The following HECW1 variants were observed in gnomAD, a reference collection of about 807,000 sequenced individuals.
The protein encoded by HECW1 is E3 ubiquitin-protein ligase HECW1.
HECW1 carries 61 observed loss-of-function variants against 182.3 expected under a neutral mutation model. The observed-to-expected ratio is 0.33, with a 90% CI of 0.27 to 0.41. HECW1 has a LOEUF of 0.41. Ranked by LOEUF, HECW1 falls within the 10% of genes least tolerant of loss-of-function variation. The pLI is 1.00. For missense variants in HECW1, 1,739 were observed against 2,108.9 expected (o/e 0.82, Z 3.44); for synonymous variants, 859 against 832.6 (o/e 1.03, Z -0.55).
chr7:43,490,570 A>G (rs2078890395), intron 17 of HECW1, among the ~76,000 whole-genome samples: 1 of 152,240 alleles, frequency 6.6e-6, no homozygotes, highest in Non-Finnish European at 1.5e-5. Flanking sequence ...ATGCCTCTAT[A>G]GATTTTAACA....
chr7:43,448,493 C>T (rs2077132478), intron 11 of HECW1, among the ~76,000 whole-genome samples: 1 of 152,252 alleles, frequency 6.6e-6, no homozygotes. Context: ...CCTCAGTTTC[C>T]TCATGTGCAA....
intron 16 of HECW1, among the ~76,000 whole-genome samples, chr7:43,473,751 C>A (rs2078112374): frequency 6.6e-6 from 1 of 152,014 alleles, no homozygotes; most frequent in South Asian, 2.1e-4. Context: ...GGTAATCTGA[C>A]AAGCTTAAAA....
chr7:43,543,476 G>A (rs1305408259), intron 26 of HECW1, among the ~76,000 whole-genome samples: 1 of 152,120 alleles, frequency 6.6e-6, no homozygotes, highest in Non-Finnish European at 1.5e-5. Flanking sequence ...ATTTAAATAT[G>A]TTCAAGAATA....
At chr7:43,122,590 C>T (rs1383623502) in intron 2 of HECW1, among the ~76,000 whole-genome samples, 2 of 152,008 alleles carry the variant, frequency 1.3e-5, no homozygotes, top group Non-Finnish European at 1.5e-5. Context: ...ATCCTGTTGT[C>T]GCAATAAAGT....
intron 29 of HECW1, among the ~76,000 whole-genome samples, chr7:43,558,428 G>C (rs73100784): frequency 0.16 from 24,178 of 152,168 alleles, 2,525 homozygotes; most frequent in Non-Finnish European, 0.24. Context: ...TGGAGGCCTG[G>C]TTAAGTTAGT....
intron 13 of HECW1, 85 bp downstream of exon 13, chr7:43,456,532 C>A: frequency 7.4e-7 from 1 of 1,358,958 alleles, no homozygotes; most frequent in Non-Finnish European, 1.0e-6. Flanking sequence ...CACTTTTCTG[C>A]TCAGACTGTA....
intron 17 of HECW1, among the ~76,000 whole-genome samples, chr7:43,488,369 AGG>A (rs1264838431): frequency 0.048 from 6,520 of 134,954 alleles, 506 homozygotes; most frequent in Middle Eastern, 0.081. Context: ...GAAGGAAGGA[AGG>A]AAGGAAGGAA....
At chr7:43,513,948 G>A (rs567123065) in intron 24 of HECW1, among the ~76,000 whole-genome samples, 12 of 152,262 alleles carry the variant, frequency 7.9e-5, no homozygotes, top group African/African-American at 1.4e-4. Context: ...CAGCCCCTGC[G>A]AGACCTGGCC....
At chr7:43,544,816 A>G (rs1463858891) in intron 26 of HECW1, among the ~76,000 whole-genome samples, 2 of 152,232 alleles carry the variant, frequency 1.3e-5, no homozygotes, top group African/African-American at 4.8e-5. Context: ...CTCAATTCAC[A>G]TATAATCATG....
chr7:43,412,757 T>A (rs1463999464), intron 8 of HECW1, among the ~76,000 whole-genome samples: 3 of 151,708 alleles, frequency 2.0e-5, no homozygotes, highest in Admixed American at 6.6e-5. Flanking sequence ...TCCAATTTCA[T>A]CCATGTCCCT....
intron 5 of HECW1, among the ~76,000 whole-genome samples, chr7:43,354,400 A>G (rs1364741763): frequency 6.6e-6 from 1 of 152,226 alleles, no homozygotes; most frequent in Non-Finnish European, 1.5e-5. Flanking sequence ...AAACTCAGCG[A>G]TCTCCAAGAT....
At chr7:43,518,216 C>T (rs1007228153) in intron 24 of HECW1, among the ~76,000 whole-genome samples, 4 of 152,032 alleles carry the variant, frequency 2.6e-5, no homozygotes, top group African/African-American at 4.8e-5. Flanking sequence ...AAAGAAAGGC[C>T]GGGCACAGTG....
intron 2 of HECW1, among the ~76,000 whole-genome samples, chr7:43,236,811 T>C (rs1486227647): frequency 6.6e-6 from 1 of 152,106 alleles, no homozygotes; most frequent in African/African-American, 2.4e-5. Flanking sequence ...CACAACAAAT[T>C]TCCTTGTGGG....
chr7:43,550,424 A>G (rs778634129), intron 26 of HECW1, 21 bp from the exon 27 acceptor site: 2 of 1,613,714 alleles, frequency 1.2e-6, no homozygotes, highest in Non-Finnish European at 1.7e-6. Context: ...AAGCATCGCA[A>G]TATTTCTGTT....
intron 6 of HECW1, among the ~76,000 whole-genome samples, chr7:43,389,694 G>T (rs2074943687): frequency 6.6e-6 from 1 of 152,102 alleles, no homozygotes; most frequent in Admixed American, 6.5e-5. Flanking sequence ...AGGCTGGAGT[G>T]CAGTGGTGTG....
In HECW1 at chr7:43,550,517, G is replaced by C. The variant is rs1399335219; in HGVS notation, c.4321G>C (p.Glu1441Gln). 5.0e-6 allele frequency: 8 copies of C among 1,614,012 alleles called. No homozygotes were observed. The highest frequency in any genetic ancestry group is 5.1e-6 in the Non-Finnish European group (6 of 1,179,960). Residue 1441 changes from glutamate to glutamine, a missense_variant, in exon 27 of 30, where the codon GAG becomes CAG. Transcript: ENST00000395891. The stretch of plus-strand genomic sequence containing the variant: ...GGAGAAAAACAAGAAGGAGTACATC[G>C]AGCGCATGGTGAAGTGGCGGGTGGA... ...VTEKNKKEYI[E>Q]RMVKWRVERG...
At chr7:43,173,762 G>A (rs1791928233) in intron 2 of HECW1, among the ~76,000 whole-genome samples, 1 of 152,146 alleles carries the variant, frequency 6.6e-6, no homozygotes, top group East Asian at 1.9e-4. Flanking sequence ...TTGGTCTATG[G>A]TCCAGGATTT....
intron 8 of HECW1, among the ~76,000 whole-genome samples, chr7:43,412,739 T>C (rs1443054209): frequency 6.6e-6 from 1 of 151,712 alleles, no homozygotes; most frequent in South Asian, 2.1e-4. Context: ...TTACTGAGAA[T>C]GATGATTTCC....
At chr7:43,519,473 T>C (rs1488095008) in intron 24 of HECW1, among the ~76,000 whole-genome samples, 1 of 152,186 alleles carries the variant, frequency 6.6e-6, no homozygotes, top group Admixed American at 6.5e-5. Context: ...CTCAAACTCC[T>C]GACTTCATGA....
Sources: gnomAD v4.1 joint callset for allele counts (sites outside exome capture counted in the v4.1 genomes callset) on GRCh38, gnomAD v4.1.1 for gene constraint, MANE v1.5 for transcripts, NCBI Gene and HGNC (gene_info 2026-07-23, HGNC 2026-07-21) for gene names.